The following PHACTR1 variants were observed in gnomAD, a reference collection of about 807,000 sequenced individuals.
The protein encoded by PHACTR1 is phosphatase and actin regulator 1, also known as RPEL repeat containing 1.
PHACTR1 carries 16 observed loss-of-function variants against 69.2 expected under a neutral mutation model. The ratio of observed to expected loss-of-function variants is 0.23; its 90% CI spans 0.16 to 0.35. The LOEUF (loss-of-function observed/expected upper bound fraction) is 0.35, where lower values mean the gene tolerates loss of function less well. Ranked by LOEUF, PHACTR1 falls within the 10% of genes least tolerant of loss-of-function variation. PHACTR1 has a pLI of 1.00. For missense variants in PHACTR1, 510 were observed against 734.7 expected, an observed-to-expected ratio of 0.69 and a Z score of 3.54; for synonymous variants, 312 against 284.5, an observed-to-expected ratio of 1.10 and a Z score of -0.97.
intron 2 of PHACTR1, 178 bp from the exon 3 acceptor site, chr6:12,718,521 G>A (rs566010772): frequency 1.6e-4 from 48 of 299,302 alleles, no homozygotes; most frequent in East Asian, 2.2e-4. Context: ...GGCTAAATGC[G>A]GCATTTTCTC....
At chr6:13,001,521 A>G (rs1798093162) in intron 4 of PHACTR1, among the ~76,000 whole-genome samples, 1 of 152,200 alleles carries the variant, frequency 6.6e-6, no homozygotes, top group African/African-American at 2.4e-5. Context: ...TAGTTTTTTC[A>G]TTGTCCTCTC....
chr6:12,724,144 A>G (rs906695059), intron 3 of PHACTR1, among the ~76,000 whole-genome samples: 1 of 152,100 alleles, frequency 6.6e-6, no homozygotes, highest in African/African-American at 2.4e-5. Context: ...TCTAGCCAAC[A>G]TGGTGAAACC....
At chr6:13,044,816 G>A (rs1350675573) in intron 4 of PHACTR1, among the ~76,000 whole-genome samples, 2 of 152,278 alleles carry the variant, frequency 1.3e-5, no homozygotes, top group African/African-American at 2.4e-5. Context: ...ACTGACACCC[G>A]CTGAGTTCGT....
At chr6:13,235,501 A>G (rs1363968501) in intron 10 of PHACTR1, among the ~76,000 whole-genome samples, 1 of 152,244 alleles carries the variant, frequency 6.6e-6, no homozygotes, top group Non-Finnish European at 1.5e-5. Flanking sequence ...CGACCTCGTG[A>G]TCTGCCAGAG....
chr6:13,191,680 G>A (rs1763621567), intron 7 of PHACTR1, among the ~76,000 whole-genome samples: 2 of 152,186 alleles, frequency 1.3e-5, no homozygotes, highest in South Asian at 4.1e-4. Flanking sequence ...CCATATCAAA[G>A]GGCTGCTCCT....
intron 4 of PHACTR1, among the ~76,000 whole-genome samples, chr6:12,892,349 T>A (rs891399837): frequency 6.6e-6 from 1 of 152,228 alleles, no homozygotes; most frequent in African/African-American, 2.4e-5. Flanking sequence ...TTTATGTAAG[T>A]AATAAGCTAC....
intron 4 of PHACTR1, among the ~76,000 whole-genome samples, chr6:12,751,459 A>G (rs998715088): frequency 2.0e-5 from 3 of 152,246 alleles, no homozygotes; most frequent in African/African-American, 7.2e-5. Flanking sequence ...ACCAAGTGAT[A>G]TTGGAAATTA....
At chr6:12,853,853 G>C (rs1253670238) in intron 4 of PHACTR1, among the ~76,000 whole-genome samples, 1 of 152,222 alleles carries the variant, frequency 6.6e-6, no homozygotes, top group Non-Finnish European at 1.5e-5. Flanking sequence ...TTCAAGATGA[G>C]ATTTGGGTGG....
At chr6:13,135,891 A>G (rs1342336846) in intron 5 of PHACTR1, among the ~76,000 whole-genome samples, 2 of 152,074 alleles carry the variant, frequency 1.3e-5, no homozygotes, top group African/African-American at 4.8e-5. Context: ...AAAATAAATA[A>G]AAATGTATTT....
At chr6:12,785,966 G>A (rs1230149748) in intron 4 of PHACTR1, among the ~76,000 whole-genome samples, 1 of 152,020 alleles carries the variant, frequency 6.6e-6, no homozygotes, top group Admixed American at 6.5e-5. Context: ...AAATTTCAAC[G>A]GTTATATTGT....
At chr6:12,797,246 A>G (rs965735685) in intron 4 of PHACTR1, among the ~76,000 whole-genome samples, 1 of 152,168 alleles carries the variant, frequency 6.6e-6, no homozygotes, top group African/African-American at 2.4e-5. Flanking sequence ...AGGGCAATCA[A>G]GTGCTTCCAG....
rs565017356 is a variant in PHACTR1 at position 12,832,498 on chromosome 6, A to G, written c.250+82708A>G. 3.9e-5 allele frequency among the ~76,000 whole-genome samples: 6 copies of G among 152,252 alleles called. No homozygotes were observed. The South Asian group carries it at 1.2e-3, about 32-fold the overall frequency. On this transcript the variant is annotated intron_variant, in intron 4 of 14. Coordinates refer to ENST00000332995, the MANE Select transcript of PHACTR1 (RefSeq NM_030948.6). Reference sequence around the variant, plus strand: ...GGCCTAACATGTCTCGAATAATCAGACAATTCATCTCTTGTCAACAGGAAG... The same window carrying G: ...GGCCTAACATGTCTCGAATAATCAGGCAATTCATCTCTTGTCAACAGGAAG...
intron 4 of PHACTR1, among the ~76,000 whole-genome samples, chr6:12,853,340 G>A (rs1780014248): frequency 6.6e-6 from 1 of 152,086 alleles, no homozygotes; most frequent in Non-Finnish European, 1.5e-5. Flanking sequence ...GAAACACCTA[G>A]ACAGGCAAAA....
chr6:13,049,494 A>G (rs1457146529), intron 4 of PHACTR1, among the ~76,000 whole-genome samples: 1 of 152,214 alleles, frequency 6.6e-6, no homozygotes, highest in Non-Finnish European at 1.5e-5. Context: ...AGAATTCTCA[A>G]ACTGAATATT....
intron 4 of PHACTR1, among the ~76,000 whole-genome samples, chr6:12,783,195 T>C (rs1156720264): frequency 6.6e-6 from 1 of 152,204 alleles, no homozygotes; most frequent in Admixed American, 6.5e-5. Flanking sequence ...CATGTTATAT[T>C]GTCATCTCCC....
chr6:12,918,054 C>T (rs781272887), intron 4 of PHACTR1, among the ~76,000 whole-genome samples: 67 of 152,310 alleles, frequency 4.4e-4, no homozygotes, highest in African/African-American at 1.4e-3. Flanking sequence ...ACAGGAATGG[C>T]GTGTCACTCT....
At chr6:13,035,772 T>G (rs1023312592) in intron 4 of PHACTR1, among the ~76,000 whole-genome samples, 1 of 152,202 alleles carries the variant, frequency 6.6e-6, no homozygotes, top group African/African-American at 2.4e-5. Flanking sequence ...GCCATGCTTT[T>G]ACATGCTGCA....
chr6:13,165,806 A>T (rs1759714067), intron 6 of PHACTR1, among the ~76,000 whole-genome samples: 1 of 152,152 alleles, frequency 6.6e-6, no homozygotes, highest in Non-Finnish European at 1.5e-5. Context: ...TTGTAACTTC[A>T]TTCATGAGCC....
At chr6:13,163,851 A>G (rs1253244934) in intron 6 of PHACTR1, among the ~76,000 whole-genome samples, 1 of 152,260 alleles carries the variant, frequency 6.6e-6, no homozygotes, top group East Asian at 1.9e-4. Context: ...TAGAACAGTG[A>G]CTTTTTTATA....
Sources: allele counts gnomAD v4.1 joint callset (sites outside exome capture counted in the v4.1 genomes callset), GRCh38; gene constraint gnomAD v4.1.1; transcripts MANE v1.5; gene names NCBI Gene and HGNC (gene_info 2026-07-23, HGNC 2026-07-21).